FGF14: variants seen among roughly 807,000 people sequenced by gnomAD.
FGF14 encodes fibroblast growth factor 14, also known as fibroblast growth factor homologous factor 4.
A neutral mutation model predicts 25.5 loss-of-function variants in FGF14; 5 were observed. The observed-to-expected ratio is 0.20, with a 90% CI of 0.10 to 0.41. The LOEUF (loss-of-function observed/expected upper bound fraction) is 0.41. Ranked by LOEUF, FGF14 falls within the 10% of genes least tolerant of loss-of-function variation. FGF14 has a pLI of 1.00. For synonymous variants in FGF14, 138 were observed against 118.3 expected (o/e 1.17, Z -1.08); for missense variants, 222 against 320.1 (o/e 0.69, Z 2.34).
rs1566830435 is a variant in FGF14 at position 101,732,810 on chromosome 13, C to A, written c.409-6000G>T. On this transcript the variant is annotated intron_variant, in intron 3 of 4. Coordinates refer to ENST00000376143, the MANE Select transcript of FGF14 (RefSeq NM_004115.4). The stretch of plus-strand genomic sequence containing the variant: ...TTATTTAATTATTCTTAATAGATTT[C>A]AACTTAATTACACATACCTTTAGAT... Among the ~76,000 whole-genome samples, 3 of 152,154 alleles carry A rather than the reference C, an allele frequency of 2.0e-5. No homozygotes were observed. The South Asian group carries it at 6.2e-4, about 31-fold the overall frequency.
At chr13:101,832,240 A>G (rs547519679) in intron 3 of FGF14, among the ~76,000 whole-genome samples, 3 of 152,082 alleles carry the variant, frequency 2.0e-5, no homozygotes, top group African/African-American at 7.2e-5. Context: ...GGAAAGGAAG[A>G]GATTATTCTC....
At chr13:102,083,478 G>A (rs1438360220) in intron 1 of FGF14, among the ~76,000 whole-genome samples, 1 of 151,850 alleles carries the variant, frequency 6.6e-6, no homozygotes, top group African/African-American at 2.4e-5. Context: ...CCTGACTCTG[G>A]TATAGCATTA....
At chr13:101,844,899 T>C (rs1321174426) in intron 3 of FGF14, among the ~76,000 whole-genome samples, 2 of 151,978 alleles carry the variant, frequency 1.3e-5, no homozygotes, top group Non-Finnish European at 2.9e-5. Context: ...CACTCCCGTG[T>C]CCCCTGACAT....
chr13:102,029,477 A>G (rs920398524), intron 1 of FGF14, among the ~76,000 whole-genome samples: 2 of 151,910 alleles, frequency 1.3e-5, no homozygotes, highest in African/African-American at 4.8e-5. Flanking sequence ...AAATGAAACA[A>G]CTTGAGCCAG....
At chr13:101,933,033 T>C (rs2034870403) in intron 1 of FGF14, among the ~76,000 whole-genome samples, 1 of 152,204 alleles carries the variant, frequency 6.6e-6, no homozygotes, top group Non-Finnish European at 1.5e-5. Flanking sequence ...TTTGTCATAA[T>C]TTTTCACTCT....
At chr13:101,863,650 G>A (rs758405953) in intron 3 of FGF14, among the ~76,000 whole-genome samples, 4 of 152,030 alleles carry the variant, frequency 2.6e-5, no homozygotes, top group Non-Finnish European at 5.9e-5. Flanking sequence ...TATGTCTTTG[G>A]GTGTGTTACT....
intron 1 of FGF14, among the ~76,000 whole-genome samples, chr13:102,371,112 T>A (rs2057869324): frequency 6.6e-6 from 1 of 152,220 alleles, no homozygotes; most frequent in Admixed American, 6.5e-5. Flanking sequence ...ATTCCAGGTA[T>A]ATTCCTGAAA....
intron 1 of FGF14, among the ~76,000 whole-genome samples, chr13:102,222,436 C>T (rs2050654312): frequency 1.3e-5 from 2 of 152,162 alleles, no homozygotes; most frequent in African/African-American, 2.4e-5. Context: ...ACATGCACTG[C>T]AGCCTTATAT....
chr13:102,316,296 G>A (rs919938912), intron 1 of FGF14, among the ~76,000 whole-genome samples: 2 of 152,168 alleles, frequency 1.3e-5, no homozygotes, highest in Non-Finnish European at 2.9e-5. Context: ...CAAAAGCAAT[G>A]TTACCAACAA....
rs1036207049 is a variant in FGF14, at chr13:102,242,745, G to C, written c.208+158726C>G. On this transcript the variant is annotated intron_variant, in intron 1 of 4. Coordinates refer to the FGF14 transcript ENST00000376131. Reference sequence around the variant, plus strand: ...CCACAGCACATGCATTATCTCCTCTGGGCATATCCACTTCATGTACAGTCT... The same window carrying C: ...CCACAGCACATGCATTATCTCCTCTCGGCATATCCACTTCATGTACAGTCT... Among the ~76,000 whole-genome samples, 4 of 152,108 alleles carry C rather than the reference G, an allele frequency of 2.6e-5. 1 individual carries two copies.
intron 1 of FGF14, among the ~76,000 whole-genome samples, chr13:101,972,440 A>C (rs9554833): frequency 0.34 from 52,210 of 152,078 alleles, 9,420 homozygotes; most frequent in East Asian, 0.71. Flanking sequence ...CATATTTTGG[A>C]ATAAGGAAGG....
In FGF14 at chr13:101,916,677, G is replaced by C. The variant is rs539054466; in HGVS notation, c.-32C>G. The C allele has an allele frequency of 2.0e-6, 3 of 1,473,678 alleles. No homozygotes were observed. Among genetic ancestry groups the C allele is most frequent in the Non-Finnish European group, 2.7e-6 (3 of 1,111,286 alleles). The allele number at this position is 1,473,678 out of a possible 1,614,324, so 91.3% of individuals were successfully genotyped here. On this transcript the variant is annotated 5_prime_UTR_variant, in exon 1 of 5. Transcript: ENST00000376143. ...CCCGGGAACGGGTCCGGGGAGGGAG[G>C]GCGCGGGAGGACGGCGAGCCGGGGG...
chr13:101,866,889 T>C (rs2044737085), intron 3 of FGF14, among the ~76,000 whole-genome samples: 1 of 152,108 alleles, frequency 6.6e-6, no homozygotes, highest in Admixed American at 6.6e-5. Context: ...GTGAACTGTG[T>C]CTCTTACCAG....
At chr13:102,094,437 A>G (rs931352830) in intron 1 of FGF14, among the ~76,000 whole-genome samples, 2 of 152,320 alleles carry the variant, frequency 1.3e-5, no homozygotes, top group Non-Finnish European at 2.9e-5. Context: ...CATTAAGAAA[A>G]TCACTGAGAA....
intron 1 of FGF14, among the ~76,000 whole-genome samples, chr13:102,282,880 T>G (rs1427859278): frequency 6.6e-6 from 1 of 152,136 alleles, no homozygotes; most frequent in Non-Finnish European, 1.5e-5. Flanking sequence ...CCTCTCTAGC[T>G]TCTTTATGTC....
At chr13:102,106,638 GAAAGA>G (rs375613056) in intron 1 of FGF14, among the ~76,000 whole-genome samples, 15 of 151,152 alleles carry the variant, frequency 9.9e-5, no homozygotes, top group African/African-American at 2.7e-4. Flanking sequence ...GAGAGAGAAA[GAAAGA>G]AAAGAAAAGA....
intron 1 of FGF14, among the ~76,000 whole-genome samples, chr13:102,289,898 C>CCTCT (rs139307444): frequency 1.3e-5 from 2 of 150,046 alleles, no homozygotes; most frequent in African/African-American, 2.4e-5. Context: ...TCTTTCCCTC[C>CCTCT]CTCTCTCTCT....
Position 102,021,386 on chromosome 13 carries a change from A to G in FGF14, c.209-146090T>C, listed in dbSNP as rs116775066. 2.9e-3 allele frequency among the ~76,000 whole-genome samples: 444 copies of G among 152,068 alleles called. 3 individuals are homozygous for G. The highest frequency in any genetic ancestry group is 0.01 in the African/African-American group (417 of 41,512). On this transcript the variant is annotated intron_variant, in intron 1 of 4. Transcript: ENST00000376131. ...GGTGGGAGTGAAGTTCAAGGTGGAT[A>G]TCGTGAACTCCTCACTCCCTAATCC... is the stretch of plus-strand genomic sequence containing the variant.
chr13:102,260,114 G>A (rs1216628251), intron 1 of FGF14, among the ~76,000 whole-genome samples: 2 of 152,028 alleles, frequency 1.3e-5, no homozygotes, highest in African/African-American at 4.8e-5. Context: ...AGAAGGGGGA[G>A]GAAGAGGAAG....
Sources: allele counts gnomAD v4.1 joint callset (sites outside exome capture counted in the v4.1 genomes callset), GRCh38; gene constraint gnomAD v4.1.1; transcripts MANE v1.5; gene names NCBI Gene and HGNC (gene_info 2026-07-23, HGNC 2026-07-21).